The following ZNF518A variants were observed in gnomAD, a reference collection of about 807,000 sequenced individuals.
The protein encoded by ZNF518A is zinc finger protein 518.
A neutral mutation model predicts 102.7 loss-of-function variants in ZNF518A; 47 were observed. That is an observed-to-expected ratio of 0.46 (90% CI 0.36 to 0.58). The LOEUF (loss-of-function observed/expected upper bound fraction) is 0.58, where lower values mean the gene tolerates loss of function less well. ZNF518A is among the 20% of genes least tolerant of loss of function. The pLI, the probability that ZNF518A is intolerant of heterozygous loss-of-function variation, is 0.00. For synonymous variants in ZNF518A, 652 were observed against 594.6 expected, an observed-to-expected ratio of 1.10 and a Z score of -1.40; for missense variants, 1,793 against 1,699.8, an observed-to-expected ratio of 1.05 and a Z score of -0.96.
downstream of ZNF518A, chr10:96,204,512 T>C (rs782388798): frequency 6.2e-7 from 1 of 1,612,310 alleles, no homozygotes; most frequent in Non-Finnish European, 8.5e-7. Flanking sequence ...AAACTGATCT[T>C]TAAAGGAAAG....
intron 1 of ZNF518A, among the ~76,000 whole-genome samples, chr10:96,193,924 A>C (rs182667594): frequency 3.1e-4 from 47 of 152,340 alleles, no homozygotes; most frequent in African/African-American, 1.1e-3. Context: ...AGGGGACATA[A>C]TCTTTTTATT....
At chr10:96,180,802 C>G (rs1161594550) in intron 1 of ZNF518A, among the ~76,000 whole-genome samples, 1 of 152,160 alleles carries the variant, frequency 6.6e-6, no homozygotes. Context: ...CCGCAATAAA[C>G]GTACATGTGC....
chr10:96,165,499 A>G (rs2083130952), downstream of ZNF518A, among the ~76,000 whole-genome samples: 1 of 150,932 alleles, frequency 6.6e-6, no homozygotes, highest in Admixed American at 6.6e-5. Context: ...ACAGACACCA[A>G]ACCAAACCTG....
chr10:96,191,273 T>C (rs1198188275), intron 1 of ZNF518A, among the ~76,000 whole-genome samples: 2 of 150,612 alleles, frequency 1.3e-5, no homozygotes, highest in Non-Finnish European at 3.0e-5. Flanking sequence ...CACCCAGTCT[T>C]GAGTATGTCT....
chr10:96,204,183 C>A, downstream of ZNF518A: 1 of 1,333,990 alleles, frequency 7.5e-7, no homozygotes. Flanking sequence ...ACAGGCACAT[C>A]ACAAATAAAT....
intron 1 of ZNF518A, 65 bp from the exon 2 acceptor site, chr10:96,132,521 A>G (rs1283686801): frequency 6.8e-6 from 1 of 147,766 alleles, no homozygotes; most frequent in Non-Finnish European, 1.5e-5. Context: ...ACCTAAGTTG[A>G]ATGTGAAGTG....
At chr10:96,181,817 G>T (rs1481676497) in intron 1 of ZNF518A, among the ~76,000 whole-genome samples, 2 of 152,184 alleles carry the variant, frequency 1.3e-5, no homozygotes, top group Non-Finnish European at 2.9e-5. Context: ...TCTTGGCAAT[G>T]CGGGCTCTTT....
In ZNF518A at chr10:96,159,774, T is replaced by A. The variant is rs1554886471; in HGVS notation, c.3452T>A (p.Val1151Asp). The A allele has an allele frequency of 6.2e-7, 1 of 1,613,484 alleles. No homozygotes were observed. The highest frequency in any genetic ancestry group is 1.3e-5 in the African/African-American group (1 of 74,922). ...QRILLKIFNPVLNVTAANNLS... is the reference protein window; with the variant it reads ...QRILLKIFNPDLNVTAANNLS... ...ATATTGCTGAAAATTTTTAACCCTGTTTTAAATGTGACTGCTGCTAATAAT... is the reference window on the plus strand; with the variant it reads ...ATATTGCTGAAAATTTTTAACCCTGATTTAAATGTGACTGCTGCTAATAAT... The change falls in exon 6 of 6, where the codon GTT (valine) becomes GAT (aspartate). Residue 1151 changes from valine (V) to aspartate (D), a missense_variant. This residue lies in a region of ZNF518A where 1,741 missense variants were observed against 1,622.6 expected (regional missense o/e 1.07). Transcript: ENST00000316045.
Position 96,160,752 on chromosome 10 carries a change from G to A in ZNF518A, c.4430G>A (p.Arg1477Gln), listed in dbSNP as rs1554887578. 1.3e-6 allele frequency: 2 copies of A among 1,593,890 alleles called. No homozygotes were observed. The highest frequency in any genetic ancestry group is 1.4e-5 in the African/African-American group (1 of 73,910). The change falls in exon 6 of 6, where the codon CGG becomes CAG. Residue 1477 changes from arginine to glutamine, a missense_variant. Coordinates refer to ENST00000316045, the MANE Select transcript of ZNF518A (RefSeq NM_001330736.2). ...CAGAGACATTTAATGGAAGCTACTCGGGATTGGAACATGTTAGAATAGTTT... is the reference window on the plus strand; with the variant it reads ...CAGAGACATTTAATGGAAGCTACTCAGGATTGGAACATGTTAGAATAGTTT... ...HGQRHLMEAT[R>Q]DWNMLE is the part of the protein sequence containing the mutation.
chr10:96,130,027 C>A (rs1178123384), upstream of ZNF518A: 1 of 152,758 alleles, frequency 6.5e-6, no homozygotes, highest in South Asian at 2.1e-4. Flanking sequence ...AGCGTGCGCT[C>A]CCGGTAGCGC....
rs1181264871 is a variant in ZNF518A at position 96,175,865 on chromosome 10, G to GCCTC, written n.35+19830_35+19833dup. Among the ~76,000 whole-genome samples the GCCTC allele has an allele frequency of 7.6e-3, 383 of 50,094 alleles. 21 individuals carry two copies. Among genetic ancestry groups the GCCTC allele is most frequent in the South Asian group, 0.014 (12 of 854 alleles). The allele number at this position is 50,094 out of a possible 152,430, so 32.9% of individuals were successfully genotyped here. On this transcript the variant is annotated intron_variant and non_coding_transcript_variant, in intron 1 of 2. Coordinates refer to the ZNF518A transcript ENST00000442635. Reference sequence around the variant, plus strand: ...GCTGAATTACAAGTATTCCCTCCCTGCCTCCCTCCCTCCCTTCCTTCCTTC... The same window carrying GCCTC: ...GCTGAATTACAAGTATTCCCTCCCTGCCTCCCTCCCTCCCTCCCTTCCTTCCTTC...
intron 3 of ZNF518A, among the ~76,000 whole-genome samples, chr10:96,136,761 AT>A (rs2081617182): frequency 6.6e-6 from 1 of 152,184 alleles, no homozygotes; most frequent in South Asian, 2.1e-4. Flanking sequence ...TGTAGAATTT[AT>A]TGTTGTGTCA....
chr10:96,172,467 C>G (rs2133884265), intron 1 of ZNF518A, among the ~76,000 whole-genome samples: 1 of 151,960 alleles, frequency 6.6e-6, no homozygotes, highest in Middle Eastern at 3.4e-3. Context: ...TTTTAAATTA[C>G]CTTTAAAAGA....
At chr10:96,166,359 G>T (rs1177019635), downstream of ZNF518A, among the ~76,000 whole-genome samples, 1 of 152,050 alleles carries the variant, frequency 6.6e-6, no homozygotes, top group East Asian at 1.9e-4. Flanking sequence ...ACTGTCACAG[G>T]GCCTGACTTT....
At chr10:96,152,198 T>C (rs1408815214) in intron 3 of ZNF518A, among the ~76,000 whole-genome samples, 1 of 151,948 alleles carries the variant, frequency 6.6e-6, no homozygotes, top group Non-Finnish European at 1.5e-5. Context: ...CTGTAGTCCC[T>C]GTTACTTGGG....
At chr10:96,138,937 A>T (rs966819135) in intron 3 of ZNF518A, among the ~76,000 whole-genome samples, 11 of 136,048 alleles carry the variant, frequency 8.1e-5, no homozygotes, top group African/African-American at 2.7e-4. Flanking sequence ...AAAGTGGCGA[A>T]TTTTTTTTTT....
At chr10:96,134,272 C>G (rs2081488966) in intron 3 of ZNF518A, among the ~76,000 whole-genome samples, 1 of 152,208 alleles carries the variant, frequency 6.6e-6, no homozygotes, top group Non-Finnish European at 1.5e-5. Context: ...ACTCTGCCAC[C>G]CAGGCTGGAG....
In ZNF518A at chr10:96,159,084, T is replaced by C; in HGVS notation, c.2762T>C (p.Leu921Pro). ...NLGSFYMQSP[L>P]LNSEQKKTII... ...GGTTCTTTTTATATGCAGAGTCCAC[T>C]TTTAAATTCAGAACAAAAAAAAACT... Residue 921 changes from leucine to proline, a missense_variant, in exon 6 of 6, where the codon CTT (leucine) becomes CCT (proline). Coordinates refer to ENST00000316045, the MANE Select transcript of ZNF518A (RefSeq NM_001330736.2). 4 of 1,612,368 alleles carry C rather than the reference T, an allele frequency of 2.5e-6. No homozygotes were observed. Among genetic ancestry groups the C allele is most frequent in the Non-Finnish European group, 3.4e-6 (4 of 1,179,460 alleles).
rs1292373641 is a variant in ZNF518A at position 96,130,384 on chromosome 10, C to A, written c.-821C>A. On this transcript the variant is annotated 5_prime_UTR_variant, in exon 1 of 6. Transcript: ENST00000316045. ...CTAGAGCTTACCCTTACTTTCTTAA[C>A]CTGGGGTTGTTTTACTTCCGGGCTT... Among the ~76,000 whole-genome samples, 1 of 152,224 alleles carries A rather than the reference C, an allele frequency of 6.6e-6. No individual in the cohort carries two copies. The highest frequency in any genetic ancestry group is 1.5e-5 in the Non-Finnish European group (1 of 68,036).
Sources: gnomAD v4.1 joint callset for allele counts (sites outside exome capture counted in the v4.1 genomes callset) on GRCh38, gnomAD v4.1.1 for gene constraint, gnomAD v4.1.1 regional missense constraint, MANE v1.5 for transcripts, NCBI Gene and HGNC (gene_info 2026-07-23, HGNC 2026-07-21) for gene names.